Variants in ZNF418 observed in about 807,000 individuals in gnomAD.
The protein encoded by ZNF418 is zinc finger protein 418.
In ZNF418, 32 loss-of-function variants were observed where a neutral mutation model predicts 32.0. The ratio of observed to expected loss-of-function variants is 1.00; its 90% CI spans 0.75 to 1.34. The LOEUF (loss-of-function observed/expected upper bound fraction) is 1.34, where lower values mean the gene tolerates loss of function less well. Among genes scored for constraint, ZNF418 ranks in the 40% most tolerant of loss-of-function variants. The pLI is 0.00. For synonymous variants in ZNF418, 276 were observed against 270.7 expected (o/e 1.02, Z -0.19); for missense variants, 804 against 812.5 (o/e 0.99, Z 0.13).
rs748372712 is a variant in ZNF418, at chr19:57,926,548, TTCCACATTC to T, written c.1624_1632del (p.Glu542_Gly544del). 1.2e-6 allele frequency: 2 copies of T among 1,614,076 alleles called. No individual in the cohort carries two copies. The highest frequency in any genetic ancestry group is 4.5e-5 in the East Asian group (2 of 44,872). On this transcript the variant is annotated inframe_deletion, in exon 4 of 6. Coordinates refer to ENST00000396147, the MANE Select transcript of ZNF418 (RefSeq NM_133460.3). ...AGGGAAGAGCTCTGATGAAATGACT[TTCCACATTC>T]TCCACATTCATAAGGCCTTTCTCCA...
At chr19:57,930,091 A>C (rs956779943) in intron 3 of ZNF418, among the ~76,000 whole-genome samples, 1 of 152,228 alleles carries the variant, frequency 6.6e-6, no homozygotes, top group African/African-American at 2.4e-5. Context: ...TGTCAGCTAA[A>C]GGAAGGAAGT....
At position 57,927,510 on chromosome 19, in the gene ZNF418, A is replaced by G; in HGVS notation, c.671T>C (p.Leu224Pro). 1.2e-6 allele frequency: 2 copies of G among 1,614,244 alleles called. No individual in the cohort carries two copies. Among genetic ancestry groups the G allele is most frequent in the Non-Finnish European group, 1.7e-6 (2 of 1,180,046 alleles). ...GCAATAACATTCCTCTCTAGAGGGA[A>G]GTCTCTGCTGTTGAACAAATACGTG... ...TKHVFVQQQRLPSREECYCWE... is the reference protein window; with the variant it reads ...TKHVFVQQQRPPSREECYCWE... Residue 224 changes from leucine to proline, a missense_variant, in exon 4 of 6, where the codon CTT (leucine) becomes CCT (proline). Physicochemically the swap from Leu to Pro is moderately conservative, Grantham distance 98. Transcript: ENST00000396147.
At chr19:57,925,555 C>A (rs150824437) in intron 4 of ZNF418, 68 bp downstream of exon 4, 1 of 157,384 alleles carries the variant, frequency 6.4e-6, no homozygotes, top group East Asian at 1.9e-4. Flanking sequence ...TGGACCAGTA[C>A]TGAGACAGAT....
chr19:57,934,362 C>T (rs2072608334), intron 1 of ZNF418: 1 of 251,914 alleles, frequency 4.0e-6, no homozygotes, highest in Non-Finnish European at 6.3e-6. Context: ...TACAGTCATG[C>T]GGCATCACCA....
chr19:57,924,114 C>A, intron 4 of ZNF418, among the ~76,000 whole-genome samples: 1 of 151,254 alleles, frequency 6.6e-6, no homozygotes, highest in Non-Finnish European at 1.5e-5. Context: ...GTACTCCAGC[C>A]TGGGTCACAG....
rs745384784 is a variant in ZNF418, at chr19:57,927,302, T to C, written c.879A>G (p.Lys293=). 2 of 1,614,124 alleles carry C rather than the reference T, an allele frequency of 1.2e-6. No homozygotes were observed. The highest frequency in any genetic ancestry group is 3.3e-5 in the Admixed American group (2 of 60,030). The change falls in exon 4 of 6, where the codon AAA becomes AAG. Residue 293 remains lysine (K), a synonymous_variant. Coordinates refer to ENST00000396147, the MANE Select transcript of ZNF418 (RefSeq NM_133460.3). The part of the protein sequence containing the change: ...KRPYECGECG[K]SFSHKGSLVQ... ...CAAGGCTGCCCTTATGACTAAAAGA[T>C]TTCCCACATTCTCCACATTCATAAG... is the stretch of plus-strand genomic sequence containing the variant.
Position 57,930,518 on chromosome 19 carries a change from A to G in ZNF418, c.43T>C (p.Ser15Pro). ...CTAAGGAGACTCCACTCCTCCTGGG[A>G]AAAGTTCACAGCCACATCTTCAAAT... ...VAFEDVAVNF[S>P]QEEWSLLSEV... is the part of the protein sequence containing the mutation. The change falls in exon 3 of 6, where the codon TCC (serine) becomes CCC (proline). Residue 15 changes from serine (S) to proline (P), a missense_variant. Physicochemically the swap from Ser to Pro is moderately conservative, Grantham distance 74 (BLOSUM62 -1). Coordinates refer to ENST00000396147, the MANE Select transcript of ZNF418 (RefSeq NM_133460.3). The G allele has an allele frequency of 6.2e-7, 1 of 1,614,084 alleles. No homozygotes were observed. The highest frequency in any genetic ancestry group is 1.3e-5 in the African/African-American group (1 of 75,038).
chr19:57,925,134 T>C (rs2122711901), intron 4 of ZNF418, among the ~76,000 whole-genome samples: 1 of 152,248 alleles, frequency 6.6e-6, no homozygotes, highest in South Asian at 2.1e-4. Context: ...GGAAGCAGAA[T>C]GTTCTTTGGT....
At chr19:57,933,700 G>T in intron 2 of ZNF418, 117 bp downstream of exon 2, 1 of 1,322,906 alleles carries the variant, frequency 7.6e-7, no homozygotes, top group Non-Finnish European at 1.1e-6. Flanking sequence ...CAGCCTGGGC[G>T]ATAGAGCGAG....
chr19:57,933,754 A>G, intron 2 of ZNF418, 63 bp downstream of exon 2: 1 of 1,603,048 alleles, frequency 6.2e-7, no homozygotes, highest in Non-Finnish European at 8.5e-7. Flanking sequence ...GCCATTTTAC[A>G]AACTGTGAAT....
At position 57,935,347 on chromosome 19, in the gene ZNF418, A is replaced by C; in HGVS notation, c.-267T>G. The C allele has an allele frequency of 1.9e-6, 1 of 540,304 alleles. No homozygotes were observed. Among genetic ancestry groups the C allele is most frequent in the Non-Finnish European group, 2.5e-6 (1 of 405,118 alleles). The allele number at this position is 540,304 out of a possible 1,614,324, so 33.5% of individuals were successfully genotyped here. A position where few individuals can be genotyped will look rare whatever the true frequency, so the allele number is the denominator to read the frequency against. On this transcript the variant is annotated 5_prime_UTR_variant, in exon 1 of 6. Transcript: ENST00000396147. ...CAGCGCCTCTCACCTCACAAACCGCAGAAACACACCCAACATTAACCAAAA... is the reference window on the plus strand; with the variant it reads ...CAGCGCCTCTCACCTCACAAACCGCCGAAACACACCCAACATTAACCAAAA...
chr19:57,926,656 G>A lies in ZNF418; in HGVS notation c.1525C>T (p.Pro509Ser). Reference protein sequence around the residue: ...VHQRVHTGEKPFECSECGKSF... With the variant: ...VHQRVHTGEKSFECSECGKSF... ...TTCCCACATTCACTACACTCAAACGGTTTTTCTCCAGTGTGAACTCTCTGA... is the reference window on the plus strand; with the variant it reads ...TTCCCACATTCACTACACTCAAACGATTTTTCTCCAGTGTGAACTCTCTGA... The change falls in exon 4 of 6, where the codon CCG becomes TCG. Residue 509 changes from proline (P) to serine (S), a missense_variant. Transcript: ENST00000396147. 1.2e-6 allele frequency: 2 copies of A among 1,614,058 alleles called. No homozygotes were observed. The highest frequency in any genetic ancestry group is 1.7e-6 in the Non-Finnish European group (2 of 1,180,026).
chr19:57,925,716 G>A lies in ZNF418; in HGVS notation c.*434C>T, dbSNP rs1342501543. 5 of 173,732 alleles carry A rather than the reference G, an allele frequency of 2.9e-5. No individual in the cohort carries two copies. The highest frequency in any genetic ancestry group is 1.4e-4 in the South Asian group (1 of 7,284). The allele number at this position is 173,732 out of a possible 1,614,324, so 10.8% of individuals were successfully genotyped here. ...CACAGTGAACACCTGCCTCGTGGCCGACATAAAATGGCTTTTGCCAGATAA... is the reference window on the plus strand; with the variant it reads ...CACAGTGAACACCTGCCTCGTGGCCAACATAAAATGGCTTTTGCCAGATAA... On this transcript the variant is annotated 3_prime_UTR_variant, in exon 4 of 6. Coordinates refer to ENST00000396147, the MANE Select transcript of ZNF418 (RefSeq NM_133460.3).
intron 2 of ZNF418, among the ~76,000 whole-genome samples, chr19:57,930,879 G>A (rs565510371): frequency 2.0e-5 from 3 of 152,282 alleles, no homozygotes; most frequent in South Asian, 2.1e-4. Flanking sequence ...CTGGGTTCAA[G>A]CAATTCTCTG....
rs2072062418 is a variant in ZNF418, at chr19:57,923,197, A to T, written c.*620T>A. 2 of 151,800 alleles carry T rather than the reference A, an allele frequency of 1.3e-5. No individual in the cohort carries two copies. Among genetic ancestry groups the T allele is most frequent in the Non-Finnish European group, 2.9e-5 (2 of 68,014 alleles). The allele number at this position is 151,800 out of a possible 1,614,324, so 9.4% of individuals were successfully genotyped here. ...ATGCCTGTAATCCCACCTACCCGGG[A>T]GGCTGAGGCAGGAGAATCGCTTGAA... On this transcript the variant is annotated 3_prime_UTR_variant, in exon 5 of 6. Transcript: ENST00000396147.
chr19:57,929,769 G>A (rs1017661857), intron 3 of ZNF418, among the ~76,000 whole-genome samples: 8 of 151,360 alleles, frequency 5.3e-5, no homozygotes, highest in South Asian at 2.1e-4. Flanking sequence ...TGCAAGCTCC[G>A]CCTCCCAGGT....
rs745859688 is a variant in ZNF418 at position 57,926,873 on chromosome 19, A to G, written c.1308T>C (p.Ser436=). The G allele has an allele frequency of 6.2e-7, 1 of 1,614,018 alleles. No individual in the cohort carries two copies. Among genetic ancestry groups the G allele is most frequent in the Non-Finnish European group, 8.5e-7 (1 of 1,179,992 alleles). Residue 436 remains serine, a synonymous_variant, in exon 4 of 6, where the codon AGT becomes AGC. Coordinates refer to ENST00000396147, the MANE Select transcript of ZNF418 (RefSeq NM_133460.3). The part of the protein sequence containing the change: ...YECGECGKSF[S]RKGNLIQHQR... ...GATGCTGAATGAGGTTGCCCTTTCG[A>G]CTAAAAGATTTCCCACATTCTCCAC...
chr19:57,931,280 C>T (rs1285652888), intron 2 of ZNF418, among the ~76,000 whole-genome samples: 2 of 151,930 alleles, frequency 1.3e-5, no homozygotes, highest in Non-Finnish European at 2.9e-5. Context: ...CAGCTCACTG[C>T]AACCTCCACC....
intron 2 of ZNF418, chr19:57,932,749 A>C (rs1243848028): frequency 4.2e-6 from 3 of 709,518 alleles, no homozygotes; most frequent in Non-Finnish European, 6.2e-6. Flanking sequence ...ATTTACCCTG[A>C]GCATGTATCC....
Sources: gnomAD v4.1 joint callset for allele counts (sites outside exome capture counted in the v4.1 genomes callset) on GRCh38, gnomAD v4.1.1 for gene constraint, MANE v1.5 for transcripts, NCBI Gene and HGNC (gene_info 2026-07-23, HGNC 2026-07-21) for gene names.